Variants in PCDH15 observed in about 807,000 individuals in gnomAD.
PCDH15 encodes protocadherin-15.
Under a neutral mutation model 178.5 loss-of-function variants are expected in PCDH15, and 129 were observed. The ratio of observed to expected loss-of-function variants is 0.72; its 90% CI spans 0.63 to 0.84. The LOEUF (loss-of-function observed/expected upper bound fraction) is 0.84, where lower values mean the gene tolerates loss of function less well. PCDH15 is among the 40% of genes least tolerant of loss of function. PCDH15 has a pLI of 0.00. For synonymous variants in PCDH15, 800 were observed against 732.0 expected (o/e 1.09, Z -1.50); for missense variants, 2,230 against 2,099.9 (o/e 1.06, Z -1.21).
intron 14 of PCDH15, among the ~76,000 whole-genome samples, chr10:54,151,165 G>A (rs895352086): frequency 6.6e-6 from 1 of 152,014 alleles, no homozygotes; most frequent in African/African-American, 2.4e-5. Context: ...CAATCTAATG[G>A]GGAAACACTG....
intron 2 of PCDH15, among the ~76,000 whole-genome samples, chr10:54,937,548 T>C (rs191245484): frequency 1.3e-5 from 2 of 152,014 alleles, no homozygotes; most frequent in East Asian, 3.9e-4. Flanking sequence ...GTTAAATTTA[T>C]TCTTTAGTAT....
At chr10:54,668,329 C>A (rs1590941158) in intron 1 of PCDH15, among the ~76,000 whole-genome samples, 4 of 152,176 alleles carry the variant, frequency 2.6e-5, no homozygotes. Flanking sequence ...TAGCAGCTAG[C>A]ATTTCAAAAC....
At chr10:54,453,398 G>A (rs530728671) in intron 3 of PCDH15, among the ~76,000 whole-genome samples, 12 of 151,824 alleles carry the variant, frequency 7.9e-5, no homozygotes, top group Non-Finnish European at 1.3e-4. Context: ...GCAAACTATC[G>A]CAAGGACAAA....
At chr10:55,099,676 G>C (rs1842530360) in intron 2 of PCDH15, among the ~76,000 whole-genome samples, 1 of 151,926 alleles carries the variant, frequency 6.6e-6, no homozygotes, top group Non-Finnish European at 1.5e-5. Flanking sequence ...ATATCCATAA[G>C]AGTTGTTTGA....
At chr10:54,484,408 C>A (rs923108688) in intron 3 of PCDH15, among the ~76,000 whole-genome samples, 1 of 151,900 alleles carries the variant, frequency 6.6e-6, no homozygotes, top group African/African-American at 2.4e-5. Flanking sequence ...CCCCAGTTAG[C>A]GTGTTTTCAC....
intron 13 of PCDH15, among the ~76,000 whole-genome samples, chr10:54,166,580 A>G (rs2046251205): frequency 6.6e-6 from 1 of 152,148 alleles, no homozygotes; most frequent in Non-Finnish European, 1.5e-5. Flanking sequence ...CTCTATTTAA[A>G]TGTTTGTTTT....
intron 2 of PCDH15, among the ~76,000 whole-genome samples, chr10:55,430,323 TG>T (rs1447896563): frequency 1.3e-5 from 2 of 151,986 alleles, no homozygotes; most frequent in African/African-American, 4.8e-5. Flanking sequence ...GTGAGAGGAA[TG>T]GGGGAAGAAA....
intron 26 of PCDH15, among the ~76,000 whole-genome samples, chr10:53,881,180 C>T: frequency 6.6e-6 from 1 of 152,164 alleles, no homozygotes; most frequent in East Asian, 1.9e-4. Context: ...TGCAGCTATA[C>T]TACCTAAAAT....
At chr10:54,276,689 C>T (rs1189046783) in intron 8 of PCDH15, among the ~76,000 whole-genome samples, 1 of 151,414 alleles carries the variant, frequency 6.6e-6, no homozygotes, top group Non-Finnish European at 1.5e-5. Flanking sequence ...ATTAGAAAAG[C>T]TCTAAATGTA....
intron 2 of PCDH15, among the ~76,000 whole-genome samples, chr10:55,577,476 A>C (rs1842519116): frequency 6.6e-6 from 1 of 152,160 alleles, no homozygotes; most frequent in African/African-American, 2.4e-5. Context: ...TCAACTATGT[A>C]TTTATACTAC....
intron 9 of PCDH15, among the ~76,000 whole-genome samples, chr10:54,223,607 C>G (rs554656273): frequency 6.7e-6 from 1 of 150,300 alleles, no homozygotes; most frequent in African/African-American, 2.4e-5. Context: ...CTGTATTTGC[C>G]TATCATTTAT....
At position 54,850,218 on chromosome 10, in the gene PCDH15, T is replaced by C. The variant is rs1461185693; in HGVS notation, c.-29+47232A>G. 2.6e-5 allele frequency among the ~76,000 whole-genome samples: 4 copies of C among 152,172 alleles called. No homozygotes were observed. In the East Asian group the frequency reaches 5.8e-4, roughly 22 times the overall value. ...ATTTTTCTTAGTTCTCTCAGCAGCA[T>C]TTACATCAATACTCGATTTGTGAAA... On this transcript the variant is annotated intron_variant, in intron 3 of 5. Transcript: ENST00000458638.
chr10:53,958,332 A>G (rs11003944), intron 23 of PCDH15, among the ~76,000 whole-genome samples: 4 of 152,160 alleles, frequency 2.6e-5, no homozygotes, highest in Non-Finnish European at 5.9e-5. Context: ...CATAGGCTGA[A>G]TATTTGGTGT....
chr10:54,038,478 C>G (rs971086830), intron 18 of PCDH15, among the ~76,000 whole-genome samples: 1 of 151,900 alleles, frequency 6.6e-6, no homozygotes, highest in Non-Finnish European at 1.5e-5. Context: ...TCAACTACAG[C>G]CTTGGCCAAC....
chr10:54,045,908 T>C (rs1348645147), intron 18 of PCDH15, among the ~76,000 whole-genome samples: 1 of 152,084 alleles, frequency 6.6e-6, no homozygotes, highest in Non-Finnish European at 1.5e-5. Flanking sequence ...AGCTCGAGAA[T>C]GGGAGAAATG....
chr10:55,144,204 A>G (rs926248493), intron 2 of PCDH15, among the ~76,000 whole-genome samples: 5 of 152,048 alleles, frequency 3.3e-5, no homozygotes, highest in Admixed American at 6.6e-5. Context: ...CTAAGAATGG[A>G]TATATACAAG....
intron 2 of PCDH15, among the ~76,000 whole-genome samples, chr10:55,503,165 C>A (rs1840691556): frequency 6.6e-6 from 1 of 151,006 alleles, no homozygotes; most frequent in South Asian, 2.1e-4. Context: ...GAGTTAAGTT[C>A]TAGGTTTCAG....
At chr10:53,981,007 TA>T (rs1313135525) in intron 21 of PCDH15, among the ~76,000 whole-genome samples, 17 of 152,298 alleles carry the variant, frequency 1.1e-4, no homozygotes, top group African/African-American at 4.1e-4. Flanking sequence ...TTGAAATGTG[TA>T]AAATTCAATA....
intron 33 of PCDH15, among the ~76,000 whole-genome samples, chr10:53,819,457 C>G (rs904812444): frequency 6.6e-6 from 1 of 151,944 alleles, no homozygotes; most frequent in South Asian, 2.1e-4. Context: ...ACTACTTTAC[C>G]TGTGTGCTTT....
Sources: gnomAD v4.1 joint callset for allele counts (sites outside exome capture counted in the v4.1 genomes callset) on GRCh38, gnomAD v4.1.1 for gene constraint, MANE v1.5 for transcripts, NCBI Gene and HGNC (gene_info 2026-07-23, HGNC 2026-07-21) for gene names.